Variants in PDZD2 observed in about 807,000 individuals in gnomAD.
PDZD2 encodes the protein PDZ domain-containing protein 2.
PDZD2 carries 90 observed loss-of-function variants against 220.7 expected under a neutral mutation model. That is an observed-to-expected ratio of 0.41 (90% confidence interval 0.34 to 0.49). PDZD2 has a LOEUF of 0.49. Among genes scored for constraint, PDZD2 ranks in the 20% least tolerant of loss-of-function variants. The pLI, the probability that PDZD2 is intolerant of heterozygous loss-of-function variation, is 0.28. For missense variants in PDZD2, 3,174 were observed against 3,608.5 expected (o/e 0.88, Z 3.08); for synonymous variants, 1,375 against 1,450.5 (o/e 0.95, Z 1.18).
At chr5:31,858,918 C>A (rs1758692680) in intron 2 of PDZD2, among the ~76,000 whole-genome samples, 1 of 152,062 alleles carries the variant, frequency 6.6e-6, no homozygotes, top group Non-Finnish European at 1.5e-5. Flanking sequence ...GGGGTTTCAC[C>A]ATGTTGCCCA....
intron 1 of PDZD2, among the ~76,000 whole-genome samples, chr5:31,643,031 C>G (rs1308640084): frequency 6.6e-6 from 1 of 152,160 alleles, no homozygotes; most frequent in Non-Finnish European, 1.5e-5. Context: ...GTTGAAGCCT[C>G]CATTTGCTCA....
At chr5:31,705,735 A>C (rs1193795241) in intron 1 of PDZD2, among the ~76,000 whole-genome samples, 1 of 152,230 alleles carries the variant, frequency 6.6e-6, no homozygotes, top group Non-Finnish European at 1.5e-5. Context: ...AACAAGAAGA[A>C]TAGGATAGGA....
At chr5:31,641,315 G>A (rs1043647229) in intron 1 of PDZD2, among the ~76,000 whole-genome samples, 3 of 152,216 alleles carry the variant, frequency 2.0e-5, no homozygotes, top group African/African-American at 7.2e-5. Context: ...AATTAAGTGA[G>A]TAAAGTACCT....
At chr5:31,990,236 A>G (rs1312700467) in intron 3 of PDZD2, among the ~76,000 whole-genome samples, 1 of 152,206 alleles carries the variant, frequency 6.6e-6, no homozygotes, top group East Asian at 1.9e-4. Flanking sequence ...AGGTCATTTA[A>G]ATGCTGTGAG....
intron 2 of PDZD2, among the ~76,000 whole-genome samples, chr5:31,804,821 C>T (rs1754616027): frequency 6.6e-6 from 1 of 152,192 alleles, no homozygotes; most frequent in African/African-American, 2.4e-5. Context: ...AAGAAAATGA[C>T]TTATGAAGAA....
chr5:31,922,767 C>A (rs78720757), intron 2 of PDZD2, among the ~76,000 whole-genome samples: 79 of 152,254 alleles, frequency 5.2e-4, no homozygotes, highest in Non-Finnish European at 9.1e-4. Context: ...CCCGCCCCCC[C>A]CTCCGGGCTC....
intron 2 of PDZD2, among the ~76,000 whole-genome samples, chr5:31,802,756 T>G (rs1420013320): frequency 2.6e-5 from 4 of 151,750 alleles, no homozygotes; most frequent in Non-Finnish European, 4.4e-5. Flanking sequence ...CCGTGTCTAC[T>G]AAAAACACAA....
intron 2 of PDZD2, among the ~76,000 whole-genome samples, chr5:31,933,350 GC>G (rs1296676551): frequency 1.3e-5 from 2 of 152,136 alleles, no homozygotes; most frequent in East Asian, 3.8e-4. Context: ...TGCTTAGATG[GC>G]TTCCACCTTT....
chr5:31,792,532 C>T (rs1236732073), intron 1 of PDZD2, among the ~76,000 whole-genome samples: 24 of 152,090 alleles, frequency 1.6e-4, no homozygotes. Context: ...AATTCTCATG[C>T]CCCAGCCTCC....
intron 1 of PDZD2, among the ~76,000 whole-genome samples, chr5:31,752,849 C>T (rs984361346): frequency 6.6e-6 from 1 of 152,108 alleles, no homozygotes; most frequent in African/African-American, 2.4e-5. Flanking sequence ...CTCCTCTGAA[C>T]CCCATAGTGG....
intron 14 of PDZD2, among the ~76,000 whole-genome samples, chr5:32,066,542 T>A (rs1400408073): frequency 6.6e-6 from 1 of 152,234 alleles, no homozygotes; most frequent in African/African-American, 2.4e-5. Context: ...AGTTCTCAGC[T>A]CCTTCCTCCA....
At chr5:32,022,704 A>G (rs1235563775) in intron 6 of PDZD2, among the ~76,000 whole-genome samples, 2 of 152,116 alleles carry the variant, frequency 1.3e-5, no homozygotes, top group African/African-American at 4.8e-5. Context: ...GAAAAATAAC[A>G]TGTACAGTGG....
At chr5:31,692,271 G>A (rs368853302) in intron 1 of PDZD2, among the ~76,000 whole-genome samples, 6 of 152,194 alleles carry the variant, frequency 3.9e-5, no homozygotes, top group South Asian at 4.1e-4. Context: ...CGGGGTCCGC[G>A]GAGCCTACGC....
chr5:31,934,607 TAAAA>T (rs5867117), intron 2 of PDZD2, among the ~76,000 whole-genome samples: 51 of 118,046 alleles, frequency 4.3e-4, no homozygotes, highest in African/African-American at 1.6e-3. Flanking sequence ...ACCATCTAAT[TAAAA>T]AAAAAAAAAA....
At position 32,056,449 on chromosome 5, in the gene PDZD2, G is replaced by A. The variant is rs561924963; in HGVS notation, c.1901-1206G>A. ...CTTCTCTACAGCAATGCTGTGCAAAGTTCATCTGTTCTTCTCTCTGGGGCA... is the reference window on the plus strand; with the variant it reads ...CTTCTCTACAGCAATGCTGTGCAAAATTCATCTGTTCTTCTCTCTGGGGCA... On this transcript the variant is annotated intron_variant, in intron 10 of 24. Transcript: ENST00000438447. Among the ~76,000 whole-genome samples the A allele has an allele frequency of 3.7e-4, 57 of 152,320 alleles. 1 individual carries two copies. Among genetic ancestry groups the A allele is most frequent in the African/African-American group, 1.3e-3 (52 of 41,586 alleles).
intron 2 of PDZD2, among the ~76,000 whole-genome samples, chr5:31,810,425 A>G (rs561279999): frequency 7.2e-5 from 11 of 151,770 alleles, no homozygotes; most frequent in African/African-American, 2.4e-4. Context: ...ACCACGCCTC[A>G]CTAAATTTTT....
intron 2 of PDZD2, among the ~76,000 whole-genome samples, chr5:31,967,269 G>A (rs1200917381): frequency 6.6e-6 from 1 of 152,180 alleles, no homozygotes; most frequent in Non-Finnish European, 1.5e-5. Context: ...TTGTGTGTGA[G>A]GAGCATCAAG....
chr5:31,780,742 A>G (rs764763148), intron 1 of PDZD2, among the ~76,000 whole-genome samples: 1 of 152,096 alleles, frequency 6.6e-6, no homozygotes, highest in Non-Finnish European at 1.5e-5. Context: ...AGCAGGAAGG[A>G]TATTCAGTGG....
At chr5:31,880,790 T>TTTTTTTC (rs1739797358) in intron 2 of PDZD2, among the ~76,000 whole-genome samples, 1 of 122,700 alleles carries the variant, frequency 8.1e-6, no homozygotes, top group African/African-American at 4.0e-5. Context: ...CTTTTTTTTT[T>TTTTTTTC]CTTTTTTTTT....
Sources: gnomAD v4.1 joint callset for allele counts (sites outside exome capture counted in the v4.1 genomes callset) on GRCh38, gnomAD v4.1.1 for gene constraint, MANE v1.5 for transcripts, NCBI Gene and HGNC (gene_info 2026-07-23, HGNC 2026-07-21) for gene names.